MXRA8: variants seen among roughly 807,000 people sequenced by gnomAD.
MXRA8 encodes matrix remodeling associated 8.
MXRA8 carries 44 observed loss-of-function variants against 51.4 expected under a neutral mutation model. The observed-to-expected ratio is 0.86, with a 90% CI of 0.67 to 1.10. The LOEUF is 1.10. Among genes scored for constraint, MXRA8 ranks in the 50% least tolerant of loss-of-function variants. The pLI, the probability that MXRA8 is intolerant of heterozygous loss-of-function variation, is 0.00. For missense variants in MXRA8, 765 were observed against 638.9 expected (o/e 1.20, Z -2.13); for synonymous variants, 369 against 293.5 (o/e 1.26, Z -2.63).
chr1:1,361,153 C>T (rs1185297982), upstream of MXRA8: 32 of 695,106 alleles, frequency 4.6e-5, no homozygotes, highest in Middle Eastern at 4.6e-4. Context: ...AGAAGATACA[C>T]GGAAACACAA....
intron 1 of MXRA8, among the ~76,000 whole-genome samples, chr1:1,357,006 CAA>C: frequency 6.6e-6 from 1 of 152,224 alleles, no homozygotes; most frequent in South Asian, 2.1e-4. Context: ...TGGCTGCACC[CAA>C]GTCACCCAGA....
chr1:1,358,840 C>T (rs776290311), upstream of MXRA8: 98 of 1,097,682 alleles, frequency 8.9e-5, no homozygotes, highest in Non-Finnish European at 1.0e-4. Flanking sequence ...AGGAGCCTCC[C>T]GGGCCTGTGG....
At position 1,352,931 on chromosome 1, in the gene MXRA8, AAGGCT is replaced by A. The variant is rs1370655915; in HGVS notation, c.*668_*672del. ...AGTGACTATCAAGGTGGCTGAGAGC[AAGGCT>A]AGGGTAGGGATGGGGCAGAGAAAGG... On this transcript the variant is annotated 3_prime_UTR_variant, in exon 10 of 10. Transcript: ENST00000309212. 1.1e-5 allele frequency: 4 copies of A among 364,888 alleles called. No homozygotes were observed. Among genetic ancestry groups the A allele is most frequent in the Admixed American group, 4.8e-5 (1 of 20,964 alleles). The allele number at this position is 364,888 out of a possible 1,614,324, so 22.6% of individuals were successfully genotyped here.
chr1:1,355,586 G>C lies in MXRA8; in HGVS notation c.240C>G (p.Pro80=). ...QRVLHWDLRG[P]GGGPARRLLD... ...GCAGGCGCCGCGCGGGGCCACCCCCGGGGCCGCGCAGGTCCCAGTGGAGCA... is the reference window on the plus strand; with the variant it reads ...GCAGGCGCCGCGCGGGGCCACCCCCCGGGCCGCGCAGGTCCCAGTGGAGCA... The change falls in exon 3 of 10, where the codon CCC becomes CCG. Residue 80 remains proline (P), a synonymous_variant. Coordinates refer to ENST00000309212, the MANE Select transcript of MXRA8 (RefSeq NM_032348.4). 6.8e-7 allele frequency: 1 copy of C among 1,478,102 alleles called. No homozygotes were observed. The highest frequency in any genetic ancestry group is 8.9e-7 in the Non-Finnish European group (1 of 1,121,894). The allele number at this position is 1,478,102 out of a possible 1,614,324, so 91.6% of individuals were successfully genotyped here.
At chr1:1,359,978 T>C (rs1161620526), upstream of MXRA8, among the ~76,000 whole-genome samples, 1 of 152,244 alleles carries the variant, frequency 6.6e-6, no homozygotes, top group East Asian at 1.9e-4. Flanking sequence ...TCTGGGGCCT[T>C]GGCCTCTGCA....
chr1:1,355,486 C>T lies in MXRA8; in HGVS notation c.340G>A (p.Ala114Thr), dbSNP rs867012497. Residue 114 changes from alanine (A) to threonine (T), a missense_variant, in exon 3 of 10, where the codon GCC becomes ACC. Ala to Thr is a moderately conservative substitution (Grantham distance 58). Transcript: ENST00000309212. The part of the protein sequence containing the change: ...DRGRLELSAS[A>T]FDDGNFSLLI... ...AGCGAGAAGTTGCCGTCGTCGAAGG[C>T]CGAGGCCGAGAGCTCCAGGCGGCCG... 9 of 1,509,488 alleles carry T rather than the reference C, an allele frequency of 6.0e-6. No individual in the cohort carries two copies. Among genetic ancestry groups the T allele is most frequent in the Non-Finnish European group, 7.0e-6 (8 of 1,140,276 alleles). 93.5% of individuals were successfully genotyped at this position (1,509,488 alleles called of 1,614,324 possible). A position where few individuals can be genotyped will look rare whatever the true frequency, so the allele number is the denominator to read the frequency against.
chr1:1,359,650 G>A (rs1016610698), upstream of MXRA8: 1 of 890,294 alleles, frequency 1.1e-6, no homozygotes. Context: ...GGCGAGGGGA[G>A]GGGAACCTGC....
rs779359857 is a variant in MXRA8, at chr1:1,356,699, C to G, written c.55G>C (p.Ala19Pro). The change falls in exon 2 of 10, where the codon GCT (alanine) becomes CCT (proline). Residue 19 changes from alanine to proline, a missense_variant. Ala to Pro is a conservative substitution (Grantham distance 27). Transcript: ENST00000309212. ...CACTAACCTGAGTGCAGGAGAACAG[C>G]AGAGCCTGGAAGGAGAGGAGTGAGC... is the stretch of plus-strand genomic sequence containing the variant. ...LWKLVLLQSS[A>P]VLLHSGSSVP... 2 of 1,430,928 alleles carry G rather than the reference C, an allele frequency of 1.4e-6. 1 individual carries two copies. The highest frequency in any genetic ancestry group is 3.1e-5 in the South Asian group (2 of 63,718). 88.6% of individuals were successfully genotyped at this position (1,430,928 alleles called of 1,614,324 possible).
At chr1:1,355,870 A>T in intron 2 of MXRA8, 118 bp from the exon 3 acceptor site, 1 of 477,028 alleles carries the variant, frequency 2.1e-6, no homozygotes, top group Non-Finnish European at 2.7e-6. Context: ...AGGGACGGGC[A>T]GGACCAGAGG....
Position 1,354,943 on chromosome 1 carries a change from C to T in MXRA8, c.688G>A (p.Glu230Lys), listed in dbSNP as rs753084261. 1 of 1,601,184 alleles carries T rather than the reference C, an allele frequency of 6.2e-7. No homozygotes were observed. The highest frequency in any genetic ancestry group is 8.5e-7 in the Non-Finnish European group (1 of 1,174,884). The change falls in exon 5 of 10, where the codon GAG becomes AAG. Residue 230 changes from glutamate to lysine, a missense_variant. Coordinates refer to ENST00000309212, the MANE Select transcript of MXRA8 (RefSeq NM_032348.4). ...DRLLDLYASGERRAYGPLFLR... is the reference protein window; with the variant it reads ...DRLLDLYASGKRRAYGPLFLR... ...AAAAGGGGCCCGTAGGCGCGGCGCT[C>T]GCCCGACGCGTAGAGGTCCAGCAGG... is the stretch of plus-strand genomic sequence containing the variant.
chr1:1,361,229 C>G, upstream of MXRA8: 1 of 703,538 alleles, frequency 1.4e-6, no homozygotes, highest in Non-Finnish European at 2.6e-6. Context: ...AAGACACACA[C>G]AGAGACACGG....
rs369256101 is a variant in MXRA8 at position 1,353,082 on chromosome 1, G to A, written c.*522C>T. 2 of 634,192 alleles carry A rather than the reference G, an allele frequency of 3.2e-6. No homozygotes were observed. Among genetic ancestry groups the A allele is most frequent in the South Asian group, 3.6e-5 (2 of 55,282 alleles). 39.3% of individuals were successfully genotyped at this position (634,192 alleles called of 1,614,324 possible). ...GAGTCCCACATGGTGGTACAGGTGG[G>A]GGAGCTCTCGGTGGCAGGCAGCACC... On this transcript the variant is annotated 3_prime_UTR_variant, in exon 10 of 10. Transcript: ENST00000309212.
upstream of MXRA8, chr1:1,359,301 C>T: frequency 1.0e-6 from 1 of 985,366 alleles, no homozygotes; most frequent in African/African-American, 1.7e-5. Context: ...GATTACAAGC[C>T]TCCTGGAGAA....
chr1:1,356,703 G>C lies in MXRA8; in HGVS notation c.51C>G (p.Ser17Arg). ...ILLWKLVLLQSSAVLLHSGSS... is the reference protein window; with the variant it reads ...ILLWKLVLLQRSAVLLHSGSS... ...AACCTGAGTGCAGGAGAACAGCAGA[G>C]CCTGGAAGGAGAGGAGTGAGCTGGA... Residue 17 changes from serine (S) to arginine (R), a missense_variant and splice_region_variant, in exon 2 of 10, where the codon AGC becomes AGG. Coordinates refer to ENST00000309212, the MANE Select transcript of MXRA8 (RefSeq NM_032348.4). 7.0e-7 allele frequency: 1 copy of C among 1,429,496 alleles called. No homozygotes were observed. Among genetic ancestry groups the C allele is most frequent in the Non-Finnish European group, 9.3e-7 (1 of 1,080,982 alleles). The allele number at this position is 1,429,496 out of a possible 1,614,324, so 88.6% of individuals were successfully genotyped here.
upstream of MXRA8, chr1:1,359,453 AAAC>A (rs1318653141): frequency 2.4e-5 from 24 of 985,336 alleles, no homozygotes; most frequent in Admixed American, 1.5e-3. Context: ...CCTCAAGAAA[AAAC>A]AATCTGAACA....
Position 1,354,925 on chromosome 1 carries a change from G to GC in MXRA8, c.705dup (p.Pro236AlafsTer16). The GC allele has an allele frequency of 6.2e-7, 1 of 1,606,180 alleles. No individual in the cohort carries two copies. The highest frequency in any genetic ancestry group is 8.5e-7 in the Non-Finnish European group (1 of 1,177,100). The stretch of plus-strand genomic sequence containing the variant: ...GCCACGCGGTCGCGCAGAAAAAGGG[G>GC]CCCGTAGGCGCGGCGCTCGCCCGAC... On this transcript the variant is annotated frameshift_variant, in exon 5 of 10. Transcript: ENST00000309212. LOFTEE classifies it high-confidence loss of function.
upstream of MXRA8, among the ~76,000 whole-genome samples, chr1:1,360,685 G>A (rs1283135678): frequency 6.6e-6 from 1 of 152,210 alleles, no homozygotes; most frequent in African/African-American, 2.4e-5. Context: ...TTGGGGTGGA[G>A]CAAGAGGGGT....
rs1256994562 is a variant in MXRA8 at position 1,352,883 on chromosome 1, G to C, written c.*721C>G. 3.5e-6 allele frequency: 1 copy of C among 283,782 alleles called. No individual in the cohort carries two copies. Among genetic ancestry groups the C allele is most frequent in the Non-Finnish European group, 6.7e-6 (1 of 148,470 alleles). The allele number at this position is 283,782 out of a possible 1,614,324, so 17.6% of individuals were successfully genotyped here. On this transcript the variant is annotated 3_prime_UTR_variant, in exon 10 of 10. Transcript: ENST00000309212. ...GGCAGAGTCCAAGGGAGGGGTGTCA[G>C]GGTCAGAAGTCACAGGGAGCCCAGT...
At chr1:1,360,352 C>T (rs975079636), upstream of MXRA8, among the ~76,000 whole-genome samples, 9 of 152,220 alleles carry the variant, frequency 5.9e-5, no homozygotes, top group Non-Finnish European at 1.3e-4. Flanking sequence ...CAGGCCCCTT[C>T]CCTGACCCTC....
Sources: gnomAD v4.1 joint callset for allele counts (sites outside exome capture counted in the v4.1 genomes callset) on GRCh38, gnomAD v4.1.1 for gene constraint, MANE v1.5 for transcripts, NCBI Gene and HGNC (gene_info 2026-07-23, HGNC 2026-07-21) for gene names.